NCKAP5: variants seen among roughly 807,000 people sequenced by gnomAD.
NCKAP5 encodes nck-associated protein 5.
NCKAP5 carries 92 observed loss-of-function variants against 167.0 expected under a neutral mutation model. That is an observed-to-expected ratio of 0.55 (90% confidence interval 0.47 to 0.66). The LOEUF (loss-of-function observed/expected upper bound fraction) is 0.66. Ranked by LOEUF, NCKAP5 falls within the 30% of genes least tolerant of loss-of-function variation. The probability of loss-of-function intolerance (pLI) is 0.00; values close to 1 mark genes in which losing one functional copy is unlikely to be tolerated. For synonymous variants in NCKAP5, 891 were observed against 877.4 expected (o/e 1.02, Z -0.27); for missense variants, 2,378 against 2,315.0 (o/e 1.03, Z -0.56).
rs58595244 is a variant in NCKAP5, at chr2:132,954,582, A to G, written c.579+9138T>C. 3.1e-3 allele frequency: 1,403 copies of G among 446,308 alleles called. 25 individuals carry two copies. Among genetic ancestry groups the G allele is most frequent in the African/African-American group, 0.026 (1,278 of 49,712 alleles). The allele number at this position is 446,308 out of a possible 1,614,324, so 27.6% of individuals were successfully genotyped here. On this transcript the variant is annotated intron_variant, in intron 8 of 19. Coordinates refer to ENST00000409261, the MANE Select transcript of NCKAP5 (RefSeq NM_207363.3). ...ATTAAATAAATGGCACTCAGTATCC[A>G]TTGAATAAATTTCTACATAGCCACT...
At chr2:133,439,167 G>A (rs977610011) in intron 3 of NCKAP5, among the ~76,000 whole-genome samples, 16 of 152,152 alleles carry the variant, frequency 1.1e-4, no homozygotes, top group African/African-American at 1.9e-4. Context: ...GGGATATTAC[G>A]CTAAATATTT....
chr2:132,924,577 A>G (rs1695704153), intron 8 of NCKAP5, among the ~76,000 whole-genome samples: 1 of 152,216 alleles, frequency 6.6e-6, no homozygotes, highest in Admixed American at 6.5e-5. Context: ...TCTTATCAAC[A>G]TAGGCCAATA....
At chr2:132,878,354 C>T (rs922669428) in intron 9 of NCKAP5, among the ~76,000 whole-genome samples, 3 of 151,464 alleles carry the variant, frequency 2.0e-5, no homozygotes, top group Admixed American at 1.3e-4. Context: ...TGTTCTGAAT[C>T]TACTGATTTT....
At chr2:132,741,130 A>T (rs957048752) in intron 16 of NCKAP5, among the ~76,000 whole-genome samples, 1 of 151,926 alleles carries the variant, frequency 6.6e-6, no homozygotes, top group African/African-American at 2.4e-5. Context: ...ATAGCCTCTG[A>T]AAAAAAACTC....
At chr2:132,680,781 A>G (rs1230230347) in intron 19 of NCKAP5, among the ~76,000 whole-genome samples, 1 of 152,170 alleles carries the variant, frequency 6.6e-6, no homozygotes, top group Non-Finnish European at 1.5e-5. Context: ...ATGGCACAGA[A>G]AGGCATCTGG....
chr2:133,132,596 A>G (rs1379001762), intron 5 of NCKAP5, among the ~76,000 whole-genome samples: 1 of 151,990 alleles, frequency 6.6e-6, no homozygotes, highest in Admixed American at 6.6e-5. Context: ...TATTCCCTTC[A>G]AATGACGTGT....
At chr2:133,190,922 G>T (rs1483400561) in intron 5 of NCKAP5, among the ~76,000 whole-genome samples, 8 of 151,892 alleles carry the variant, frequency 5.3e-5, no homozygotes, top group African/African-American at 1.7e-4. Flanking sequence ...TTGACAAATG[G>T]GATCTCATTA....
rs182980708 is a variant in NCKAP5 at position 133,420,748 on chromosome 2, G to A, written c.69+96710C>T. On this transcript the variant is annotated intron_variant, in intron 3 of 19. Coordinates refer to ENST00000409261, the MANE Select transcript of NCKAP5 (RefSeq NM_207363.3). ...TTTTATTCAAGCCTCACAGCAAACC[G>A]CCAGGAGGTTTTATTCTGTCCATTT... Among the ~76,000 whole-genome samples the A allele has an allele frequency of 4.6e-5, 7 of 152,158 alleles. No homozygotes were observed. The South Asian group carries it at 6.2e-4, about 14-fold the overall frequency.
At chr2:132,735,061 G>T (rs1042971666) in intron 16 of NCKAP5, among the ~76,000 whole-genome samples, 1 of 152,266 alleles carries the variant, frequency 6.6e-6, no homozygotes, top group Non-Finnish European at 1.5e-5. Context: ...CTAGCTGGTT[G>T]TCTGGTCCTT....
chr2:133,379,037 T>C (rs112258557), intron 3 of NCKAP5, among the ~76,000 whole-genome samples: 5 of 152,322 alleles, frequency 3.3e-5, no homozygotes, highest in South Asian at 2.1e-4. Flanking sequence ...AACATAACCA[T>C]GCTATTAAGC....
At chr2:133,492,354 G>A (rs896021803) in intron 3 of NCKAP5, among the ~76,000 whole-genome samples, 1 of 152,230 alleles carries the variant, frequency 6.6e-6, no homozygotes, top group African/African-American at 2.4e-5. Flanking sequence ...TAAAGAAGAT[G>A]TAGTATATGA....
chr2:133,147,224 A>T (rs2083230189), intron 5 of NCKAP5, among the ~76,000 whole-genome samples: 1 of 152,166 alleles, frequency 6.6e-6, no homozygotes. Context: ...ACTAAATATT[A>T]ATACCTACTA....
chr2:133,005,861 G>A (rs569051407), intron 6 of NCKAP5, among the ~76,000 whole-genome samples: 102 of 152,248 alleles, frequency 6.7e-4, no homozygotes, highest in African/African-American at 2.4e-3. Flanking sequence ...GAAAACTAAT[G>A]TAATAACAAC....
chr2:133,014,369 G>T (rs1359084993), intron 6 of NCKAP5, among the ~76,000 whole-genome samples: 1 of 152,174 alleles, frequency 6.6e-6, no homozygotes, highest in Non-Finnish European at 1.5e-5. Context: ...CACCACCAGT[G>T]AAGCTATTCA....
At chr2:132,962,404 A>G (rs1166268253) in intron 8 of NCKAP5, among the ~76,000 whole-genome samples, 1 of 151,932 alleles carries the variant, frequency 6.6e-6, no homozygotes, top group East Asian at 1.9e-4. Flanking sequence ...TCTAGAAAGT[A>G]GTCGAACAGG....
At chr2:133,103,979 A>G (rs1305136460) in intron 6 of NCKAP5, among the ~76,000 whole-genome samples, 1 of 140,658 alleles carries the variant, frequency 7.1e-6, no homozygotes, top group Admixed American at 6.9e-5. Context: ...AACTGAGGTG[A>G]CTTTTTTTTT....
At chr2:133,548,748 A>C (rs1371663517) in intron 2 of NCKAP5, among the ~76,000 whole-genome samples, 17 of 152,168 alleles carry the variant, frequency 1.1e-4, no homozygotes, top group South Asian at 2.1e-4. Flanking sequence ...TGGAAAGGAA[A>C]AACCGGTACC....
intron 7 of NCKAP5, among the ~76,000 whole-genome samples, chr2:132,975,099 GCATACTAAATTTTAAA>G (rs1170327418): frequency 2.1e-3 from 323 of 152,300 alleles, no homozygotes; most frequent in African/African-American, 6.8e-3. Context: ...TTCAGCACAA[GCATACTAAATTTTAAA>G]GAGGGAAAAA....
chr2:133,456,699 T>C (rs1691884936), intron 3 of NCKAP5, among the ~76,000 whole-genome samples: 1 of 152,192 alleles, frequency 6.6e-6, no homozygotes, highest in South Asian at 2.1e-4. Flanking sequence ...AGTAATACAT[T>C]AGTCTGAAAT....
Sources: gnomAD v4.1 joint callset for allele counts (sites outside exome capture counted in the v4.1 genomes callset) on GRCh38, gnomAD v4.1.1 for gene constraint, MANE v1.5 for transcripts, NCBI Gene and HGNC (gene_info 2026-07-23, HGNC 2026-07-21) for gene names.